GASK1B: variants seen among roughly 807,000 people sequenced by gnomAD.
GASK1B encodes Golgi-associated kinase 1B.
In GASK1B, 34 loss-of-function variants were observed where a neutral mutation model predicts 42.8. The observed-to-expected ratio is 0.79, with a 90% CI of 0.60 to 1.06. The LOEUF (loss-of-function observed/expected upper bound fraction) is 1.06. GASK1B is among the 50% of genes least tolerant of loss of function. The pLI is 0.00. For synonymous variants in GASK1B, 262 were observed against 259.1 expected, an observed-to-expected ratio of 1.01 and a Z score of -0.11; for missense variants, 686 against 661.0, an observed-to-expected ratio of 1.04 and a Z score of -0.42.
Position 158,127,488 on chromosome 4 carries a change from G to C in GASK1B, c.1479C>G (p.Ile493Met). The C allele has an allele frequency of 6.2e-7, 1 of 1,613,670 alleles. No individual in the cohort carries two copies. Residue 493 changes from isoleucine to methionine, a missense_variant, in exon 5 of 5, where the codon ATC (isoleucine) becomes ATG (methionine). Transcript: ENST00000585682. ...QGGRQGIEKLIDVIEHRAKIL... is the reference protein window; with the variant it reads ...QGGRQGIEKLMDVIEHRAKIL... ...TTTTGGCTCTGTGTTCTATTACATC[G>C]ATAAGCTTTTCAATTCCTTGTCTAC... is the stretch of plus-strand genomic sequence containing the variant.
At chr4:158,150,371 A>G (rs1731512089) in intron 3 of GASK1B, among the ~76,000 whole-genome samples, 1 of 152,108 alleles carries the variant, frequency 6.6e-6, no homozygotes, top group African/African-American at 2.4e-5. Flanking sequence ...CCCTTAGAGA[A>G]TGGGGGGTTT....
Position 158,170,625 on chromosome 4 carries a change from C to T in GASK1B, c.751G>A (p.Gly251Arg), listed in dbSNP as rs146221046. The change falls in exon 2 of 5, where the codon GGG becomes AGG. Residue 251 changes from glycine (G) to arginine (R), a missense_variant. Gly to Arg is a moderately radical substitution (Grantham distance 125, BLOSUM62 -2). Transcript: ENST00000585682. ...CGGAGCACAGCGCCAGGTGCGCCCC[C>T]CTCCAGCACCAGCAAACGGGCTCCG... The part of the protein sequence containing the change: ...RSGARLLVLE[G>R]GAPGAVLRCG... 7.4e-6 allele frequency: 12 copies of T among 1,613,682 alleles called. No homozygotes were observed. The highest frequency in any genetic ancestry group is 1.0e-5 in the Non-Finnish European group (12 of 1,180,060).
At chr4:158,149,096 GC>G (rs1731442593) in intron 3 of GASK1B, among the ~76,000 whole-genome samples, 1 of 152,068 alleles carries the variant, frequency 6.6e-6, no homozygotes, top group Admixed American at 6.6e-5. Context: ...TCTTACTCAT[GC>G]TTTTCCCTAT....
At chr4:158,127,736 C>A in intron 4 of GASK1B, 122 bp from the exon 5 acceptor site, 1 of 842,888 alleles carries the variant, frequency 1.2e-6, no homozygotes, top group Non-Finnish European at 1.8e-6. Context: ...CTTTGAGAAC[C>A]AAAACATTTT....
At chr4:158,152,338 C>T (rs1731589552) in intron 3 of GASK1B, among the ~76,000 whole-genome samples, 1 of 151,996 alleles carries the variant, frequency 6.6e-6, no homozygotes, top group Admixed American at 6.6e-5. Flanking sequence ...AGAACCCTAA[C>T]TAATACAGTA....
Position 158,170,600 on chromosome 4 carries a change from C to A in GASK1B, c.776G>T (p.Arg259Leu). 1.9e-6 allele frequency: 3 copies of A among 1,613,888 alleles called. No homozygotes were observed. The highest frequency in any genetic ancestry group is 1.7e-6 in the Non-Finnish European group (2 of 1,180,046). ...AAGCCCACAGGGGCTAGGGCCACAG[C>A]GGAGCACAGCGCCAGGTGCGCCCCC... ...LEGGAPGAVL[R>L]CGPSPCGLLK... The change falls in exon 2 of 5, where the codon CGC becomes CTC. Residue 259 changes from arginine (R) to leucine (L), a missense_variant. Arg to Leu is a moderately radical substitution (Grantham distance 102). Transcript: ENST00000585682.
rs147048697 is a variant in GASK1B at position 158,167,753 on chromosome 4, G to C, written c.910+2713C>G. 6.0e-4 allele frequency among the ~76,000 whole-genome samples: 92 copies of C among 152,214 alleles called. 1 individual carries two copies. The East Asian group carries it at 0.016, about 27-fold the overall frequency. ...ATGTATTATATAATATAATGATATA[G>C]AGCAAGCTGAAAAAGATGCTGGGTA... On this transcript the variant is annotated intron_variant, in intron 2 of 4. Coordinates refer to ENST00000585682, the MANE Select transcript of GASK1B (RefSeq NM_001128424.2).
intron 3 of GASK1B, among the ~76,000 whole-genome samples, chr4:158,149,457 A>T (rs936225262): frequency 6.6e-6 from 1 of 152,190 alleles, no homozygotes; most frequent in African/African-American, 2.4e-5. Flanking sequence ...GTTCAGAATT[A>T]AAATACATGT....
chr4:158,146,156 T>C (rs1731323243), intron 3 of GASK1B, among the ~76,000 whole-genome samples: 2 of 136,588 alleles, frequency 1.5e-5, no homozygotes, highest in South Asian at 4.8e-4. Flanking sequence ...TTTTTTTTTT[T>C]CAATAAACCA....
Position 158,131,029 on chromosome 4 carries a change from C to A in GASK1B, c.1126-17G>T. 1.9e-6 allele frequency: 3 copies of A among 1,603,670 alleles called. No homozygotes were observed. Among genetic ancestry groups the A allele is most frequent in the Non-Finnish European group, 1.7e-6 (2 of 1,172,328 alleles). ...ATTATAAATCTGTAAATGGAAAACA[C>A]AAAATCCAAGATGCTGAGTGAAAAC... is the stretch of plus-strand genomic sequence containing the variant. On this transcript the variant is annotated splice_polypyrimidine_tract_variant and intron_variant, in intron 3 of 4. Transcript: ENST00000585682.
rs1360008059 is a variant in GASK1B at position 158,125,761 on chromosome 4, A to C, written c.*1646T>G. Reference sequence around the variant, plus strand: ...GAGCACAGCCCATAAGGGTGCTAAAAGTAGTACATGAATGTGAGCCTAGAA... The same window carrying C: ...GAGCACAGCCCATAAGGGTGCTAAACGTAGTACATGAATGTGAGCCTAGAA... On this transcript the variant is annotated 3_prime_UTR_variant, in exon 5 of 5. Transcript: ENST00000585682. 6.6e-6 allele frequency: 1 copy of C among 152,160 alleles called. No homozygotes were observed. Among genetic ancestry groups the C allele is most frequent in the Admixed American group, 6.6e-5 (1 of 15,258 alleles). The allele number at this position is 152,160 out of a possible 1,614,324, so 9.4% of individuals were successfully genotyped here. A position where few individuals can be genotyped will look rare whatever the true frequency, so the allele number is the denominator to read the frequency against.
rs147587795 is a variant in GASK1B, at chr4:158,149,485, G to T, written c.1125+6126C>A. Reference sequence around the variant, plus strand: ...ATACATGTCACTAGAGAACATAAGGGTTTGCTCTCTATTCACAATAGGTTA... The same window carrying T: ...ATACATGTCACTAGAGAACATAAGGTTTTGCTCTCTATTCACAATAGGTTA... On this transcript the variant is annotated intron_variant, in intron 3 of 4. Coordinates refer to ENST00000585682, the MANE Select transcript of GASK1B (RefSeq NM_001128424.2). Among the ~76,000 whole-genome samples, 708 of 152,262 alleles carry T rather than the reference G, an allele frequency of 4.6e-3. 2 individuals carry two copies. The highest frequency in any genetic ancestry group is 0.016 in the African/African-American group (658 of 41,546).
At chr4:158,135,860 T>TA (rs2110940293) in intron 3 of GASK1B, among the ~76,000 whole-genome samples, 1 of 152,204 alleles carries the variant, frequency 6.6e-6, no homozygotes, top group African/African-American at 2.4e-5. Context: ...CAGTGTTAGC[T>TA]AAAAACCAGG....
At chr4:158,147,310 G>A (rs1731367849) in intron 3 of GASK1B, among the ~76,000 whole-genome samples, 1 of 151,556 alleles carries the variant, frequency 6.6e-6, no homozygotes, top group South Asian at 2.1e-4. Flanking sequence ...TGTTCTATAA[G>A]CATTTTATGG....
Position 158,131,013 on chromosome 4 carries a change from C to T in GASK1B, c.1126-1G>A. 1 of 1,609,656 alleles carries T rather than the reference C, an allele frequency of 6.2e-7. No individual in the cohort carries two copies. Among genetic ancestry groups the T allele is most frequent in the Non-Finnish European group, 8.5e-7 (1 of 1,177,888 alleles). The stretch of plus-strand genomic sequence containing the variant: ...AATTTGTATCTAAGCGATTATAAAT[C>T]TGTAAATGGAAAACACAAAATCCAA... On this transcript the variant is annotated splice_acceptor_variant, in intron 3 of 4. Coordinates refer to ENST00000585682, the MANE Select transcript of GASK1B (RefSeq NM_001128424.2). LOFTEE classifies it high-confidence loss of function.
intron 2 of GASK1B, among the ~76,000 whole-genome samples, chr4:158,162,828 G>A (rs1300359867): frequency 6.6e-6 from 1 of 152,170 alleles, no homozygotes; most frequent in Middle Eastern, 3.2e-3. Flanking sequence ...GATTAACTGG[G>A]AAAGCCCCAT....
At chr4:158,153,840 T>C (rs139239597) in intron 3 of GASK1B, among the ~76,000 whole-genome samples, 21 of 152,284 alleles carry the variant, frequency 1.4e-4, no homozygotes, top group Non-Finnish European at 2.5e-4. Context: ...TCTCTTACCT[T>C]ATACAAAAAT....
intron 3 of GASK1B, among the ~76,000 whole-genome samples, chr4:158,136,834 C>T (rs1730910515): frequency 6.6e-6 from 1 of 152,136 alleles, no homozygotes; most frequent in African/African-American, 2.4e-5. Flanking sequence ...TGCAATAAGA[C>T]ATGTGATTGG....
intron 3 of GASK1B, among the ~76,000 whole-genome samples, chr4:158,150,444 C>T (rs769018950): frequency 1.3e-5 from 2 of 152,158 alleles, no homozygotes; most frequent in African/African-American, 2.4e-5. Context: ...ACCAAGGCCA[C>T]TCTATCACCC....
Sources: gnomAD v4.1 joint callset for allele counts (sites outside exome capture counted in the v4.1 genomes callset) on GRCh38, gnomAD v4.1.1 for gene constraint, MANE v1.5 for transcripts, NCBI Gene and HGNC (gene_info 2026-07-23, HGNC 2026-07-21) for gene names.